CDH13: variants seen among roughly 807,000 people sequenced by gnomAD.
CDH13 encodes cadherin 13, also known as cadherin-13.
A neutral mutation model predicts 63.8 loss-of-function variants in CDH13; 24 were observed. The ratio of observed to expected loss-of-function variants is 0.38; its 90% CI spans 0.27 to 0.53. The LOEUF is 0.53. Ranked by LOEUF, CDH13 falls within the 20% of genes least tolerant of loss-of-function variation. CDH13 has a pLI of 0.85. For missense variants in CDH13, 1,049 were observed against 903.1 expected, an observed-to-expected ratio of 1.16 and a Z score of -2.07; for synonymous variants, 503 against 355.3, an observed-to-expected ratio of 1.42 and a Z score of -4.67.
At chr16:82,690,275 A>T (rs1366516509) in intron 1 of CDH13, among the ~76,000 whole-genome samples, 1 of 152,032 alleles carries the variant, frequency 6.6e-6, no homozygotes, top group African/African-American at 2.4e-5. Flanking sequence ...CAGTGGGCAT[A>T]TACTGTGTAG....
At chr16:82,841,541 A>C (rs964246573) in intron 1 of CDH13, among the ~76,000 whole-genome samples, 1 of 152,218 alleles carries the variant, frequency 6.6e-6, no homozygotes, top group South Asian at 2.1e-4. Flanking sequence ...AGCAATATTT[A>C]AATAACACAC....
At chr16:83,145,102 C>G (rs574926967) in intron 4 of CDH13, among the ~76,000 whole-genome samples, 11 of 152,296 alleles carry the variant, frequency 7.2e-5, no homozygotes, top group African/African-American at 2.6e-4. Context: ...CCATATGCTG[C>G]TCCTCCAATT....
intron 7 of CDH13, among the ~76,000 whole-genome samples, chr16:83,560,695 T>A (rs188770478): frequency 6.6e-6 from 1 of 152,388 alleles, no homozygotes; most frequent in East Asian, 1.9e-4. Context: ...GCCGTTGATG[T>A]TACTTAGCTT....
chr16:82,859,534 G>C (rs1173680286), intron 2 of CDH13: 1 of 151,982 alleles, frequency 6.6e-6, no homozygotes, highest in African/African-American at 2.4e-5. Flanking sequence ...CTCCAACCTG[G>C]GTGACAGAGC....
intron 2 of CDH13, among the ~76,000 whole-genome samples, chr16:83,020,404 G>T (rs1224359742): frequency 6.6e-6 from 1 of 152,038 alleles, no homozygotes; most frequent in South Asian, 2.1e-4. Context: ...GCCCTCTGTG[G>T]GAAAAGTCCA....
At chr16:82,914,363 C>G (rs1460399019) in intron 2 of CDH13, among the ~76,000 whole-genome samples, 1 of 152,140 alleles carries the variant, frequency 6.6e-6, no homozygotes, top group Non-Finnish European at 1.5e-5. Context: ...CTTATTATCC[C>G]CATTTTACAG....
intron 8 of CDH13, among the ~76,000 whole-genome samples, chr16:83,661,326 A>G (rs1368048027): frequency 6.6e-5 from 10 of 152,032 alleles, no homozygotes; most frequent in African/African-American, 2.4e-4. Flanking sequence ...GTCTCTACAC[A>G]AAATGTAAAA....
chr16:83,502,105 C>T (rs2074296886), intron 7 of CDH13, among the ~76,000 whole-genome samples: 1 of 152,208 alleles, frequency 6.6e-6, no homozygotes, highest in Admixed American at 6.5e-5. Context: ...AGAATAATGG[C>T]TCCTCCCCTT....
intron 6 of CDH13, among the ~76,000 whole-genome samples, chr16:83,433,626 A>G (rs1208964526): frequency 1.3e-5 from 2 of 152,142 alleles, no homozygotes; most frequent in Admixed American, 6.6e-5. Context: ...CAGGAGTGTA[A>G]CCACCAGAAG....
intron 5 of CDH13, among the ~76,000 whole-genome samples, chr16:83,273,408 A>T (rs1004165929): frequency 6.6e-6 from 1 of 152,018 alleles, no homozygotes; most frequent in African/African-American, 2.4e-5. Flanking sequence ...ACTCATAGAC[A>T]TAGTAGTGTC....
intron 1 of CDH13, among the ~76,000 whole-genome samples, chr16:82,814,959 T>C (rs943707950): frequency 2.0e-5 from 3 of 152,216 alleles, no homozygotes; most frequent in African/African-American, 7.2e-5. Context: ...AACCCACTCA[T>C]ACTTGGTGTC....
At chr16:83,739,964 G>A (rs1372212391) in intron 10 of CDH13, 1 of 152,258 alleles carries the variant, frequency 6.6e-6, no homozygotes, top group African/African-American at 2.4e-5. Context: ...ACTTCAGAGA[G>A]ACCATCCAGA....
intron 7 of CDH13, among the ~76,000 whole-genome samples, chr16:83,526,891 G>A (rs2074974841): frequency 6.6e-6 from 1 of 152,148 alleles, no homozygotes; most frequent in South Asian, 2.1e-4. Flanking sequence ...CAGCACTTTG[G>A]GAGGCCAAGG....
intron 1 of CDH13, among the ~76,000 whole-genome samples, chr16:82,789,942 C>T (rs1187290360): frequency 2.0e-5 from 3 of 152,128 alleles, no homozygotes; most frequent in African/African-American, 7.2e-5. Context: ...TTCTACAATC[C>T]TGACATCTTT....
intron 3 of CDH13, among the ~76,000 whole-genome samples, chr16:83,051,578 A>G (rs532346041): frequency 6.6e-6 from 1 of 152,346 alleles, no homozygotes; most frequent in African/African-American, 2.4e-5. Flanking sequence ...TGCAAATTCC[A>G]TAATTTACAA....
At position 83,262,292 on chromosome 16, in the gene CDH13, G is replaced by T. The variant is rs548220510; in HGVS notation, c.636+44795G>T. 2.0e-4 allele frequency among the ~76,000 whole-genome samples: 30 copies of T among 152,300 alleles called. No individual in the cohort carries two copies. The East Asian group carries it at 3.9e-3, about 20-fold the overall frequency. The stretch of plus-strand genomic sequence containing the variant: ...GCCTCCATGTCTCTGATTTGCCCAT[G>T]GGGGGAGGACATTAAGTCTGCACAG... On this transcript the variant is annotated intron_variant, in intron 5 of 13. Coordinates refer to ENST00000567109, the MANE Select transcript of CDH13 (RefSeq NM_001257.5).
chr16:83,741,528 G>A (rs1469715793), intron 10 of CDH13, among the ~76,000 whole-genome samples: 1 of 151,614 alleles, frequency 6.6e-6, no homozygotes, highest in Admixed American at 6.6e-5. Context: ...ATATATGTGT[G>A]TATATATATG....
At chr16:83,582,908 A>G (rs531077107) in intron 7 of CDH13, among the ~76,000 whole-genome samples, 1 of 152,314 alleles carries the variant, frequency 6.6e-6, no homozygotes, top group South Asian at 2.1e-4. Flanking sequence ...GCACTTAACC[A>G]TGTTTGTTAA....
At chr16:83,242,139 TAC>T (rs1401001449) in intron 5 of CDH13, among the ~76,000 whole-genome samples, 11 of 152,232 alleles carry the variant, frequency 7.2e-5, no homozygotes, top group Non-Finnish European at 7.3e-5. Flanking sequence ...TTCAGCCATA[TAC>T]ATAAGGGTTT....
Sources: allele counts gnomAD v4.1 joint callset (sites outside exome capture counted in the v4.1 genomes callset), GRCh38; gene constraint gnomAD v4.1.1; transcripts MANE v1.5; gene names NCBI Gene and HGNC (gene_info 2026-07-23, HGNC 2026-07-21).